EPHB1: variants seen among roughly 807,000 people sequenced by gnomAD.
EPHB1 encodes the protein EPH receptor B1.
EPHB1 carries 30 observed loss-of-function variants against 94.4 expected under a neutral mutation model. The ratio of observed to expected loss-of-function variants is 0.32; its 90% confidence interval spans 0.24 to 0.43. The LOEUF (loss-of-function observed/expected upper bound fraction) is 0.43. Among genes scored for constraint, EPHB1 ranks in the 20% least tolerant of loss-of-function variants. The probability of loss-of-function intolerance (pLI) is 1.00; values close to 1 mark genes in which losing one functional copy is unlikely to be tolerated. For missense variants in EPHB1, 1,055 were observed against 1,308.3 expected, an observed-to-expected ratio of 0.81 and a Z score of 2.99; for synonymous variants, 522 against 489.1, an observed-to-expected ratio of 1.07 and a Z score of -0.89.
intron 10 of EPHB1, among the ~76,000 whole-genome samples, chr3:135,186,532 A>G (rs1344199782): frequency 6.6e-6 from 1 of 152,214 alleles, no homozygotes; most frequent in East Asian, 1.9e-4. Context: ...ATTAGTAACT[A>G]GAAGCTCTGC....
chr3:134,834,671 G>A (rs760431344), intron 1 of EPHB1, among the ~76,000 whole-genome samples: 15 of 152,266 alleles, frequency 9.9e-5, no homozygotes, highest in African/African-American at 2.2e-4. Context: ...CATACCCCTC[G>A]TTGGTGGTTG....
chr3:135,182,992 TTTC>T (rs1211811681), intron 10 of EPHB1, among the ~76,000 whole-genome samples: 3 of 69,520 alleles, frequency 4.3e-5, no homozygotes, highest in African/African-American at 1.2e-4. Flanking sequence ...TTTGCTTTCT[TTTC>T]TTTTCTTTTC....
chr3:135,189,880 G>T (rs963121102), intron 10 of EPHB1, among the ~76,000 whole-genome samples: 1 of 152,216 alleles, frequency 6.6e-6, no homozygotes, highest in Non-Finnish European at 1.5e-5. Context: ...AGGCTTATGT[G>T]AAAGACATCT....
At chr3:134,982,373 A>G (rs1177485854) in intron 3 of EPHB1, among the ~76,000 whole-genome samples, 1 of 150,832 alleles carries the variant, frequency 6.6e-6, no homozygotes, top group Non-Finnish European at 1.5e-5. Context: ...AAAAAGAAGG[A>G]GGAGTGAAGG....
chr3:135,001,783 C>T (rs1935191053), intron 3 of EPHB1, among the ~76,000 whole-genome samples: 1 of 152,158 alleles, frequency 6.6e-6, no homozygotes, highest in Non-Finnish European at 1.5e-5. Flanking sequence ...ATAGATGATT[C>T]CATACCAAGA....
chr3:135,158,274 C>G (rs200439065), intron 6 of EPHB1, among the ~76,000 whole-genome samples: 1 of 152,220 alleles, frequency 6.6e-6, no homozygotes, highest in East Asian at 1.9e-4. Context: ...GCCATCTCCT[C>G]TTCCCCCAAG....
intron 1 of EPHB1, among the ~76,000 whole-genome samples, chr3:134,806,942 G>A (rs1362246831): frequency 6.6e-6 from 1 of 152,190 alleles, no homozygotes; most frequent in Admixed American, 6.5e-5. Context: ...AACGGGGAAG[G>A]GAGGCCCTCT....
chr3:135,182,037 C>T (rs181760632), intron 10 of EPHB1, among the ~76,000 whole-genome samples: 17 of 152,288 alleles, frequency 1.1e-4, no homozygotes, highest in East Asian at 7.7e-4. Context: ...TATCCCAGAG[C>T]GAATCCTTGT....
intron 11 of EPHB1, among the ~76,000 whole-genome samples, chr3:135,197,824 T>C (rs1309583749): frequency 6.6e-6 from 1 of 152,222 alleles, no homozygotes; most frequent in Non-Finnish European, 1.5e-5. Context: ...TTAGTTTTTT[T>C]TTTTCTTATC....
chr3:135,125,788 G>A (rs924144099), intron 4 of EPHB1, among the ~76,000 whole-genome samples: 2 of 152,014 alleles, frequency 1.3e-5, no homozygotes, highest in African/African-American at 4.8e-5. Context: ...GCCATACTTT[G>A]GGCTAGGTAT....
intron 3 of EPHB1, among the ~76,000 whole-genome samples, chr3:135,003,972 G>A (rs1237453694): frequency 3.3e-5 from 5 of 151,488 alleles, no homozygotes; most frequent in African/African-American, 1.2e-4. Flanking sequence ...AAAGTTAATA[G>A]TGTTATGTGT....
At chr3:135,247,842 T>TTTCTC (rs1362603537) in intron 13 of EPHB1, among the ~76,000 whole-genome samples, 1 of 152,204 alleles carries the variant, frequency 6.6e-6, no homozygotes, top group Non-Finnish European at 1.5e-5. Flanking sequence ...CTTTCCTCCC[T>TTTCTC]TTCTCTTCTC....
At chr3:135,250,465 C>T (rs1365194296) in intron 15 of EPHB1, among the ~76,000 whole-genome samples, 1 of 152,048 alleles carries the variant, frequency 6.6e-6, no homozygotes, top group Admixed American at 6.5e-5. Context: ...CCAGGCTTTG[C>T]TGCACACTGG....
intron 3 of EPHB1, among the ~76,000 whole-genome samples, chr3:135,001,494 T>G (rs1329021200): frequency 2.0e-5 from 3 of 152,228 alleles, no homozygotes; most frequent in African/African-American, 7.2e-5. Flanking sequence ...AAAGATCATA[T>G]GCCAATTTAA....
intron 1 of EPHB1, among the ~76,000 whole-genome samples, chr3:134,873,025 G>A (rs1329715067): frequency 1.3e-5 from 2 of 152,190 alleles, no homozygotes; most frequent in African/African-American, 2.4e-5. Flanking sequence ...AATTCACACA[G>A]TGACATTTCT....
At chr3:134,987,079 A>G (rs887551442) in intron 3 of EPHB1, among the ~76,000 whole-genome samples, 6 of 152,214 alleles carry the variant, frequency 3.9e-5, no homozygotes, top group African/African-American at 1.2e-4. Flanking sequence ...AACTTTGACC[A>G]TGAAATACTG....
intron 1 of EPHB1, among the ~76,000 whole-genome samples, chr3:134,912,461 C>T (rs990197312): frequency 3.3e-5 from 5 of 152,350 alleles, no homozygotes; most frequent in Middle Eastern, 3.4e-3. Flanking sequence ...CATCAGCATG[C>T]TGGGACATTG....
intron 15 of EPHB1, among the ~76,000 whole-genome samples, chr3:135,256,661 G>T (rs376516016): frequency 0.034 from 5,186 of 151,936 alleles, 293 homozygotes; most frequent in African/African-American, 0.12. Context: ...ATTTTTTCCT[G>T]CATTTCAACT....
chr3:134,961,470 C>A (rs1933515974), intron 3 of EPHB1, among the ~76,000 whole-genome samples: 2 of 152,214 alleles, frequency 1.3e-5, no homozygotes, highest in Admixed American at 6.5e-5. Flanking sequence ...AATCTCCACT[C>A]ATGCAATTTA....
Sources: allele counts gnomAD v4.1 joint callset (sites outside exome capture counted in the v4.1 genomes callset), GRCh38; gene constraint gnomAD v4.1.1; transcripts MANE v1.5; gene names NCBI Gene and HGNC (gene_info 2026-07-23, HGNC 2026-07-21).